Variants in GSN observed in about 807,000 individuals in gnomAD.
GSN encodes actin-depolymerizing factor.
GSN carries 56 observed loss-of-function variants against 85.7 expected under a neutral mutation model. That is an observed-to-expected ratio of 0.65 (90% CI 0.53 to 0.82). The LOEUF (loss-of-function observed/expected upper bound fraction) is 0.82, where lower values mean the gene tolerates loss of function less well. GSN is among the 40% of genes least tolerant of loss of function. The pLI, the probability that GSN is intolerant of heterozygous loss-of-function variation, is 0.00. For synonymous variants in GSN, 373 were observed against 399.1 expected, an observed-to-expected ratio of 0.93 and a Z score of 0.78; for missense variants, 857 against 979.8, an observed-to-expected ratio of 0.87 and a Z score of 1.67.
rs531217473 is a variant in GSN, at chr9:121,282,441, G to A, written c.-10+879G>A. The A allele has an allele frequency of 5.4e-6, 7 of 1,299,012 alleles. No homozygotes were observed. The East Asian group carries it at 1.4e-4, about 26-fold the overall frequency. The allele number at this position is 1,299,012 out of a possible 1,614,324, so 80.5% of individuals were successfully genotyped here. A position where few individuals can be genotyped will look rare whatever the true frequency, so the allele number is the denominator to read the frequency against. ...CGCCATCCCTTTTCTGCCAAAAGGA[G>A]AAGGGGATGAATGAATACAGGACTT... On this transcript the variant is annotated intron_variant, in intron 2 of 17. Transcript: ENST00000432226.
At chr9:121,313,777 C>A (rs2061423197) in intron 6 of GSN, 157 bp from the exon 7 acceptor site, 1 of 686,882 alleles carries the variant, frequency 1.5e-6, no homozygotes, top group East Asian at 2.7e-5. Flanking sequence ...CAGATCTGGA[C>A]ATGTGAGCAG....
intron 4 of GSN, among the ~76,000 whole-genome samples, chr9:121,227,502 G>A (rs1193969780): frequency 6.6e-6 from 1 of 152,132 alleles, no homozygotes; most frequent in Non-Finnish European, 1.5e-5. Context: ...TGGGAGCCTC[G>A]ATTTATAGCT....
At chr9:121,238,553 C>T (rs146282577) in intron 5 of GSN, 93 of 173,874 alleles carry the variant, frequency 5.3e-4, no homozygotes, top group African/African-American at 2.1e-3. Context: ...AGCTTGCAGA[C>T]GGCTTATTGT....
At chr9:121,312,264 C>A in intron 5 of GSN, 75 bp from the exon 6 acceptor site, 1 of 1,539,784 alleles carries the variant, frequency 6.5e-7, no homozygotes, top group Non-Finnish European at 9.0e-7. Context: ...CCACACGCCA[C>A]ACTCCCCAAG....
chr9:121,292,226 A>T (rs1047897679), intron 2 of GSN, among the ~76,000 whole-genome samples: 6 of 152,210 alleles, frequency 3.9e-5, no homozygotes, highest in Admixed American at 2.6e-4. Context: ...GGTGAGGCAG[A>T]ACAGGCAAAG....
At chr9:121,231,288 A>T (rs1327260607) in exon 5 of GSN, 4 of 152,210 alleles carry the variant, frequency 2.6e-5, no homozygotes, top group African/African-American at 9.6e-5. Flanking sequence ...GGAAAATGTC[A>T]TTGGGAGGAA....
rs1159214953 is a variant in GSN at position 121,234,445 on chromosome 9, G to A, written c.-389+3142G>A. On this transcript the variant is annotated intron_variant, in intron 5 of 24. Coordinates refer to the GSN transcript ENST00000373823. ...AAGCAGTTATCTCCCCATGGGCACT[G>A]TGAGCCTCCACAAGGCCATTCTACT... is the stretch of plus-strand genomic sequence containing the variant. Among the ~76,000 whole-genome samples the A allele has an allele frequency of 2.6e-5, 4 of 152,204 alleles. No homozygotes were observed. The East Asian group carries it at 7.7e-4, about 29-fold the overall frequency.
intron 1 of GSN, among the ~76,000 whole-genome samples, chr9:121,272,877 C>T (rs1415700810): frequency 6.6e-6 from 1 of 152,122 alleles, no homozygotes; most frequent in Non-Finnish European, 1.5e-5. Context: ...CATTATGTGA[C>T]CCATTTTACC....
chr9:121,315,918 G>T (rs1307024866), intron 7 of GSN, among the ~76,000 whole-genome samples: 1 of 152,190 alleles, frequency 6.6e-6, no homozygotes, highest in Non-Finnish European at 1.5e-5. Flanking sequence ...GACAGGGATA[G>T]TAACAGAACT....
chr9:121,257,547 T>A (rs1188881500), intron 6 of GSN, among the ~76,000 whole-genome samples: 1 of 152,178 alleles, frequency 6.6e-6, no homozygotes, highest in Non-Finnish European at 1.5e-5. Flanking sequence ...TAGGGGAGGT[T>A]CCCTGGAGAT....
chr9:121,332,808 G>A lies in GSN; in HGVS notation c.*205G>A, dbSNP rs779431879. 2.0e-4 allele frequency: 117 copies of A among 584,210 alleles called. No individual in the cohort carries two copies. The highest frequency in any genetic ancestry group is 3.2e-4 in the Non-Finnish European group (106 of 329,196). The allele number at this position is 584,210 out of a possible 1,614,324, so 36.2% of individuals were successfully genotyped here. The stretch of plus-strand genomic sequence containing the variant: ...AAATTGTCTAAAATGTCAGTGTTTG[G>A]GAAATTAAATCCAATAAAAACATTT... On this transcript the variant is annotated 3_prime_UTR_variant, in exon 18 of 18. Transcript: ENST00000432226. The surrounding 1 kb of genome is among the most constrained non-coding windows in gnomAD (Gnocchi z 4.8).
rs1012708147 is a variant in GSN at position 121,214,814 on chromosome 9, G to A, written c.-528+3947G>A. ...GCATCTATGCCTTAGATGGATGAGC[G>A]ATGCCATCTGGCTGGAGATGTACCT... On this transcript the variant is annotated intron_variant, in intron 4 of 24. Transcript: ENST00000373823. 1.4e-4 allele frequency among the ~76,000 whole-genome samples: 21 copies of A among 152,180 alleles called. 1 individual carries two copies. Among genetic ancestry groups the A allele is most frequent in the African/African-American group, 3.6e-4 (15 of 41,450 alleles).
intron 4 of GSN, among the ~76,000 whole-genome samples, chr9:121,211,836 C>T (rs2053974381): frequency 6.6e-6 from 1 of 152,040 alleles, no homozygotes; most frequent in Admixed American, 6.5e-5. Context: ...AAACCCATAG[C>T]AAAAAAATAT....
chr9:121,318,551 G>A lies in GSN; in HGVS notation c.975+57G>A, dbSNP rs2061986072. 2.7e-6 allele frequency: 4 copies of A among 1,496,718 alleles called. No homozygotes were observed. The highest frequency in any genetic ancestry group is 3.7e-6 in the Non-Finnish European group (4 of 1,072,890). The allele number at this position is 1,496,718 out of a possible 1,614,324, so 92.7% of individuals were successfully genotyped here. ...GGGTGGGTCCTGTTTGGAGGGGATG[G>A]GCTGGAGTAGGGCGGGTGTCCCACC... On this transcript the variant is annotated intron_variant, in intron 9 of 17. Transcript: ENST00000432226. The surrounding 1 kb of genome is among the most constrained non-coding windows in gnomAD (Gnocchi z 4.3).
intron 4 of GSN, among the ~76,000 whole-genome samples, chr9:121,230,349 G>A (rs2054363201): frequency 6.6e-6 from 1 of 152,206 alleles, no homozygotes; most frequent in African/African-American, 2.4e-5. Context: ...AGCTAAACTG[G>A]AAGGCCAGAC....
intron 2 of GSN, among the ~76,000 whole-genome samples, chr9:121,285,890 G>A (rs530883552): frequency 6.6e-6 from 1 of 152,184 alleles, no homozygotes; most frequent in African/African-American, 2.4e-5. Context: ...AGGCAGGCAG[G>A]TTCTTCCCCC....
intron 2 of GSN, chr9:121,286,598 C>A: frequency 6.7e-7 from 1 of 1,497,622 alleles, no homozygotes. Flanking sequence ...CTTTGTGCTC[C>A]CAGGGCCCAC....
chr9:121,213,751 A>G (rs1018841156), intron 4 of GSN, among the ~76,000 whole-genome samples: 1 of 152,188 alleles, frequency 6.6e-6, no homozygotes, highest in Non-Finnish European at 1.5e-5. Flanking sequence ...CATGTCATGG[A>G]TGGGGACACT....
At chr9:121,324,816 G>A (rs2062959859) in intron 12 of GSN, among the ~76,000 whole-genome samples, 172 bp downstream of exon 12, 1 of 151,826 alleles carries the variant, frequency 6.6e-6, no homozygotes, top group Admixed American at 6.6e-5. Context: ...ATTTATTTAG[G>A]GCTTCCATGT....
Sources: gnomAD v4.1 joint callset for allele counts (sites outside exome capture counted in the v4.1 genomes callset) on GRCh38, gnomAD v4.1.1 for gene constraint, Gnocchi (gnomAD v3.1) non-coding constraint, MANE v1.5 for transcripts, NCBI Gene and HGNC (gene_info 2026-07-23, HGNC 2026-07-21) for gene names.